Variants in SYS1 observed in about 807,000 individuals in gnomAD.
The protein encoded by SYS1 is protein SYS1 homolog.
A neutral mutation model predicts 17.8 loss-of-function variants in SYS1; 8 were observed. The observed-to-expected ratio is 0.45, with a 90% confidence interval of 0.26 to 0.81. The LOEUF is 0.81. Ranked by LOEUF, SYS1 falls within the 40% of genes least tolerant of loss-of-function variation. SYS1 has a pLI of 0.16. For missense variants in SYS1, 161 were observed against 203.9 expected, an observed-to-expected ratio of 0.79 and a Z score of 1.28; for synonymous variants, 95 against 90.9, an observed-to-expected ratio of 1.05 and a Z score of -0.26.
chr20:45,365,389 C>G lies in SYS1; in HGVS notation c.163-230C>G, dbSNP rs956122588. On this transcript the variant is annotated intron_variant, in intron 2 of 3. Coordinates refer to ENST00000243918, the MANE Select transcript of SYS1 (RefSeq NM_033542.4). ...CTTAACTTGTCTGAGTTTTTACGTC[C>G]TCCTTTGTAAAATGAGAATAATCCC... 1.4e-5 allele frequency: 9 copies of G among 632,656 alleles called. No homozygotes were observed. In the South Asian group the frequency reaches 1.4e-4, roughly 10 times the overall value. The allele number at this position is 632,656 out of a possible 1,614,324, so 39.2% of individuals were successfully genotyped here.
downstream of SYS1, among the ~76,000 whole-genome samples, chr20:45,371,697 C>T (rs1177042356): frequency 6.6e-6 from 1 of 152,194 alleles, no homozygotes; most frequent in African/African-American, 2.4e-5. Flanking sequence ...GCCATATTAG[C>T]AAAAGGTTGT....
chr20:45,364,465 CT>C (rs386393831), intron 2 of SYS1, among the ~76,000 whole-genome samples: 39 of 80,122 alleles, frequency 4.9e-4, no homozygotes, highest in East Asian at 2.2e-3. Context: ...GAGCACAGTT[CT>C]TTTTTTTTTT....
upstream of SYS1, chr20:45,362,156 C>A: frequency 2.5e-6 from 1 of 404,992 alleles, no homozygotes; most frequent in Non-Finnish European, 3.3e-6. Flanking sequence ...TCAGGATTTA[C>A]TCCTATGTGC....
Position 45,363,263 on chromosome 20 carries a change from C to A in SYS1, c.-56C>A. On this transcript the variant is annotated 5_prime_UTR_variant, in exon 1 of 4. Transcript: ENST00000243918. Reference sequence around the variant, plus strand: ...GTCTGTCAGCGCTGTTTTGGGAGCCCGCCGGTGAGGCCGGGCCACGCTCAG... The same window carrying A: ...GTCTGTCAGCGCTGTTTTGGGAGCCAGCCGGTGAGGCCGGGCCACGCTCAG... 8.2e-7 allele frequency: 1 copy of A among 1,221,382 alleles called. No individual in the cohort carries two copies. Among genetic ancestry groups the A allele is most frequent in the Non-Finnish European group, 1.0e-6 (1 of 973,280 alleles). The allele number at this position is 1,221,382 out of a possible 1,614,324, so 75.7% of individuals were successfully genotyped here.
At chr20:45,375,391 T>A in exon 4 of SYS1, 1 of 1,614,176 alleles carries the variant, frequency 6.2e-7, no homozygotes, top group East Asian at 2.2e-5. Context: ...TTTCTCCTTG[T>A]TCCTCATCCC....
At chr20:45,363,102 C>T (rs2743415), upstream of SYS1, 1 of 1,010,382 alleles carries the variant, frequency 9.9e-7, no homozygotes, top group Non-Finnish European at 1.2e-6. Flanking sequence ...GTTGCACCCA[C>T]TACGCCTGCG....
At chr20:45,374,422 G>A in exon 4 of SYS1, 1 of 581,238 alleles carries the variant, frequency 1.7e-6, no homozygotes, top group African/African-American at 1.9e-5. Context: ...CAAGCGCAAG[G>A]CACCACATCT....
chr20:45,369,299 A>G (rs1160266696), downstream of SYS1: 1 of 152,146 alleles, frequency 6.6e-6, no homozygotes, highest in Non-Finnish European at 1.5e-5. Context: ...CGTCATCTGT[A>G]TCTTACAGAT....
intron 3 of SYS1, 94 bp downstream of exon 3, chr20:45,365,780 C>A: frequency 7.6e-7 from 1 of 1,321,362 alleles, no homozygotes; most frequent in Non-Finnish European, 1.1e-6. Flanking sequence ...GCACTTGTTT[C>A]TGGGGAGTGG....
At chr20:45,369,995 G>C (rs1340054955), downstream of SYS1, among the ~76,000 whole-genome samples, 2 of 151,844 alleles carry the variant, frequency 1.3e-5, no homozygotes, top group East Asian at 3.9e-4. Flanking sequence ...CCCAATCTCA[G>C]CTTACTGCAA....
At chr20:45,362,536 T>C (rs1421290051), upstream of SYS1, among the ~76,000 whole-genome samples, 7 of 151,986 alleles carry the variant, frequency 4.6e-5, no homozygotes, top group Non-Finnish European at 8.8e-5. Flanking sequence ...CCCGCTAATT[T>C]TGTATTTTTA....
At chr20:45,371,264 C>A (rs964262632), downstream of SYS1, among the ~76,000 whole-genome samples, 3 of 152,128 alleles carry the variant, frequency 2.0e-5, no homozygotes, top group Non-Finnish European at 4.4e-5. Flanking sequence ...TAAGATGTCA[C>A]GTGTAAAGCG....
At chr20:45,365,718 T>C (rs768822191) in intron 3 of SYS1, 32 bp downstream of exon 3, 14 of 1,605,726 alleles carry the variant, frequency 8.7e-6, no homozygotes, top group Non-Finnish European at 1.2e-5. Flanking sequence ...ATCCAGCTTT[T>C]GGGCTCTTAG....
chr20:45,363,258 G>A lies in SYS1; in HGVS notation c.-61G>A. The stretch of plus-strand genomic sequence containing the variant: ...GTCCTGTCTGTCAGCGCTGTTTTGG[G>A]AGCCCGCCGGTGAGGCCGGGCCACG... On this transcript the variant is annotated 5_prime_UTR_variant, in exon 1 of 4. Transcript: ENST00000243918. The A allele has an allele frequency of 8.2e-7, 1 of 1,212,446 alleles. No homozygotes were observed. Among genetic ancestry groups the A allele is most frequent in the East Asian group, 4.0e-5 (1 of 24,930 alleles). 75.1% of individuals were successfully genotyped at this position (1,212,446 alleles called of 1,614,324 possible). A position where few individuals can be genotyped will look rare whatever the true frequency, so the allele number is the denominator to read the frequency against.
chr20:45,363,127 C>T, upstream of SYS1: 1 of 1,015,580 alleles, frequency 9.8e-7, no homozygotes, highest in Admixed American at 5.4e-5. Flanking sequence ...CTCAGCCCCG[C>T]CCCTCCGCTG....
intron 3 of SYS1, 134 bp from the exon 4 acceptor site, chr20:45,366,741 G>A: frequency 2.7e-6 from 2 of 741,792 alleles, no homozygotes. Flanking sequence ...TAGGCGTCTG[G>A]TATCATAACC....
downstream of SYS1, chr20:45,373,903 G>C: frequency 6.2e-7 from 1 of 1,613,288 alleles, no homozygotes; most frequent in Non-Finnish European, 8.5e-7. Flanking sequence ...CCATATGGAA[G>C]ATCTTATTTG....
chr20:45,363,681 G>A lies in SYS1; in HGVS notation c.150G>A (p.Met50Ile), dbSNP rs768248401. ...LVRSSPSLDQ[M>I]FDAEILGFST... is the part of the protein sequence containing the mutation. The stretch of plus-strand genomic sequence containing the variant: ...GAAGCAGCCCCTCGCTGGACCAGAT[G>A]TTCGACGCCGAGGTAGGGTCCCCGG... Residue 50 changes from methionine (M) to isoleucine (I), a missense_variant, in exon 2 of 4, where the codon ATG becomes ATA. Coordinates refer to ENST00000243918, the MANE Select transcript of SYS1 (RefSeq NM_033542.4). The A allele has an allele frequency of 1.3e-6, 2 of 1,567,564 alleles. No homozygotes were observed. The highest frequency in any genetic ancestry group is 2.3e-5 in the South Asian group (2 of 85,782).
chr20:45,365,578 G>A, intron 2 of SYS1, 41 bp from the exon 3 acceptor site: 1 of 1,602,940 alleles, frequency 6.2e-7, no homozygotes, highest in East Asian at 2.2e-5. Flanking sequence ...GCTCTGCCAA[G>A]TCACTTCTCC....
Sources: gnomAD v4.1 joint callset for allele counts (sites outside exome capture counted in the v4.1 genomes callset) on GRCh38, gnomAD v4.1.1 for gene constraint, MANE v1.5 for transcripts, NCBI Gene and HGNC (gene_info 2026-07-23, HGNC 2026-07-21) for gene names.